The following NUP210 variants were observed in gnomAD, a reference collection of about 807,000 sequenced individuals.
NUP210 encodes nucleoporin 210.
In NUP210, 151 loss-of-function variants were observed where a neutral mutation model predicts 196.0. That is an observed-to-expected ratio of 0.77 (90% CI 0.67 to 0.88). The LOEUF is 0.88. Ranked by LOEUF, NUP210 falls within the 40% of genes least tolerant of loss-of-function variation. NUP210 has a pLI of 0.00. For synonymous variants in NUP210, 1,070 were observed against 1,052.7 expected, an observed-to-expected ratio of 1.02 and a Z score of -0.32; for missense variants, 2,314 against 2,493.7, an observed-to-expected ratio of 0.93 and a Z score of 1.53.
chr3:13,342,127 C>A lies in NUP210; in HGVS notation c.2965-4G>T. Reference sequence around the variant, plus strand: ...TCACTGTCTTCCCAATCTCCACCTGCATCATGGGGACAGAGGTTCAGGGGC... The same window carrying A: ...TCACTGTCTTCCCAATCTCCACCTGAATCATGGGGACAGAGGTTCAGGGGC... On this transcript the variant is annotated splice_polypyrimidine_tract_variant and splice_region_variant and intron_variant, in intron 21 of 39. Transcript: ENST00000254508. 17 of 1,613,944 alleles carry A rather than the reference C, an allele frequency of 1.1e-5. No individual in the cohort carries two copies. Among genetic ancestry groups the A allele is most frequent in the Non-Finnish European group, 1.3e-5 (15 of 1,179,884 alleles).
Position 13,386,026 on chromosome 3 carries a change from A to C in NUP210, c.817+249T>G, listed in dbSNP as rs116214039. 2.0e-3 allele frequency among the ~76,000 whole-genome samples: 306 copies of C among 152,358 alleles called. 2 individuals carry two copies. The highest frequency in any genetic ancestry group is 6.9e-3 in the African/African-American group (289 of 41,594). On this transcript the variant is annotated intron_variant, in intron 6 of 39. Transcript: ENST00000254508. ...ATTCACAGAGACAGGAAATAGAGTG[A>C]TGAGTGCCAAGGGCTGGGAGAGGGT...
At chr3:13,330,092 C>T (rs1372567775) in intron 30 of NUP210, among the ~76,000 whole-genome samples, 1 of 152,274 alleles carries the variant, frequency 6.6e-6, no homozygotes, top group Non-Finnish European at 1.5e-5. Context: ...TGGCCCAGAA[C>T]AGGAGCTCCA....
In NUP210 at chr3:13,336,775, G is replaced by A. The variant is rs755240565; in HGVS notation, c.3684+12C>T. On this transcript the variant is annotated intron_variant, in intron 27 of 39. Coordinates refer to ENST00000254508, the MANE Select transcript of NUP210 (RefSeq NM_024923.4). ...GGGTGGGAGGTGAGCTCTGGAGGGG[G>A]TGGTTACCTACCTCGTGGTGCCGCC... The A allele has an allele frequency of 2.5e-6, 4 of 1,612,090 alleles. No individual in the cohort carries two copies. In the South Asian group the frequency reaches 3.3e-5, roughly 13 times the overall value.
chr3:13,376,215 C>G, intron 10 of NUP210, 76 bp downstream of exon 10: 1 of 1,538,354 alleles, frequency 6.5e-7, no homozygotes, highest in Non-Finnish European at 8.9e-7. Flanking sequence ...ACTCATGGCC[C>G]TCCTGGGCTG....
At chr3:13,407,596 T>C (rs920347064) in intron 1 of NUP210, among the ~76,000 whole-genome samples, 3 of 152,114 alleles carry the variant, frequency 2.0e-5, no homozygotes, top group Non-Finnish European at 4.4e-5. Context: ...TCCCAGCTTC[T>C]CCACCTCTAT....
In NUP210 at chr3:13,321,822, G is replaced by C. The variant is rs1430483508; in HGVS notation, c.4929C>G (p.Cys1643Trp). The C allele has an allele frequency of 6.2e-7, 1 of 1,606,188 alleles. No individual in the cohort carries two copies. Among genetic ancestry groups the C allele is most frequent in the East Asian group, 2.2e-5 (1 of 44,858 alleles). Residue 1643 changes from cysteine to tryptophan, a missense_variant, in exon 36 of 40, where the codon TGC (cysteine) becomes TGG (tryptophan). Coordinates refer to ENST00000254508, the MANE Select transcript of NUP210 (RefSeq NM_024923.4). ...QFDTALGQYFCSITMHRLTDK... is the reference protein window; with the variant it reads ...QFDTALGQYFWSITMHRLTDK... ...CCGTCAGCCTGTGCATTGTGATTGA[G>C]CAGAAGTACTGGCCTGCGAAGACAA...
chr3:13,380,961 G>A (rs998898585), intron 6 of NUP210, among the ~76,000 whole-genome samples: 2 of 152,168 alleles, frequency 1.3e-5, no homozygotes, highest in Non-Finnish European at 2.9e-5. Context: ...CAAATGATGG[G>A]CCCCATCCCA....
chr3:13,378,883 C>A lies in NUP210; in HGVS notation c.1045+29G>T, dbSNP rs115522829. On this transcript the variant is annotated intron_variant, in intron 8 of 39. Transcript: ENST00000254508. Reference sequence around the variant, plus strand: ...TCATATAGTCACAACTGAGCAGCATCCATGAGGGCCCAGGAGGCCCACACT... The same window carrying A: ...TCATATAGTCACAACTGAGCAGCATACATGAGGGCCCAGGAGGCCCACACT... 23,279 of 1,525,786 alleles carry A rather than the reference C, an allele frequency of 0.015. 201 individuals carry two copies. Among genetic ancestry groups the A allele is most frequent in the Non-Finnish European group, 0.017 (19,023 of 1,099,370 alleles). The allele number at this position is 1,525,786 out of a possible 1,614,324, so 94.5% of individuals were successfully genotyped here. A position where few individuals can be genotyped will look rare whatever the true frequency, so the allele number is the denominator to read the frequency against.
intron 5 of NUP210, among the ~76,000 whole-genome samples, chr3:13,386,775 G>A (rs921198957): frequency 6.6e-6 from 1 of 152,148 alleles, no homozygotes; most frequent in Non-Finnish European, 1.5e-5. Flanking sequence ...CAAGGTCCAG[G>A]GAACTTGAGA....
intron 35 of NUP210, 140 bp from the exon 36 acceptor site, chr3:13,321,975 C>T: frequency 7.8e-7 from 1 of 1,286,220 alleles, no homozygotes; most frequent in South Asian, 1.4e-5. Flanking sequence ...CAGGAGTCCT[C>T]CTGGGAATCC....
At chr3:13,392,716 C>T (rs1195795566) in intron 3 of NUP210, among the ~76,000 whole-genome samples, 8 of 152,228 alleles carry the variant, frequency 5.3e-5, no homozygotes, top group Non-Finnish European at 1.0e-4. Flanking sequence ...ACTGTGAGAA[C>T]CTTCTTCTGC....
chr3:13,360,860 C>T (rs988871200), intron 14 of NUP210, among the ~76,000 whole-genome samples: 2 of 152,234 alleles, frequency 1.3e-5, no homozygotes, highest in Admixed American at 6.5e-5. Context: ...AATGTACAGA[C>T]AGATGTTCAT....
chr3:13,400,158 C>T (rs985415189), intron 1 of NUP210, among the ~76,000 whole-genome samples: 7 of 152,186 alleles, frequency 4.6e-5, no homozygotes, highest in South Asian at 2.1e-4. Flanking sequence ...AGATGGCCAC[C>T]GTCCAAGACT....
chr3:13,395,855 T>A (rs991792444), intron 3 of NUP210, among the ~76,000 whole-genome samples: 2 of 152,174 alleles, frequency 1.3e-5, no homozygotes, highest in Non-Finnish European at 2.9e-5. Flanking sequence ...AGGTACTTCT[T>A]TCCCTATAGC....
In NUP210 at chr3:13,396,672, A is replaced by C. The variant is rs566167697; in HGVS notation, c.436+685T>G. ...CTACTTGGGAGGCTGAGGTAGGAGA[A>C]TCGCTTGAACTCAGGAGGCAGAGGT... On this transcript the variant is annotated intron_variant, in intron 3 of 39. Transcript: ENST00000254508. Among the ~76,000 whole-genome samples the C allele has an allele frequency of 2.0e-5, 3 of 148,430 alleles. No homozygotes were observed. The East Asian group carries it at 6.0e-4, about 30-fold the overall frequency.
chr3:13,395,007 G>A (rs1699606246), intron 3 of NUP210, among the ~76,000 whole-genome samples: 1 of 152,182 alleles, frequency 6.6e-6, no homozygotes, highest in Non-Finnish European at 1.5e-5. Context: ...TGCTGCAAAG[G>A]TGGGGCCTTG....
At chr3:13,373,894 C>T (rs1393552355) in intron 11 of NUP210, 21 bp from the exon 12 acceptor site, 1 of 1,610,540 alleles carries the variant, frequency 6.2e-7, no homozygotes, top group South Asian at 1.1e-5. Flanking sequence ...AAAGCCATCA[C>T]AGGACCAGCC....
intron 33 of NUP210, among the ~76,000 whole-genome samples, chr3:13,325,526 C>T (rs1180277629): frequency 1.3e-5 from 2 of 152,126 alleles, no homozygotes; most frequent in Non-Finnish European, 2.9e-5. Context: ...GGTTGCCAGA[C>T]CCAAGCCCAT....
intron 20 of NUP210, chr3:13,345,161 G>A (rs1697673796): frequency 1.0e-6 from 1 of 985,340 alleles, no homozygotes; most frequent in African/African-American, 1.7e-5. Flanking sequence ...ATAAGGTCAT[G>A]GAACCTGGTG....
Sources: allele counts gnomAD v4.1 joint callset (sites outside exome capture counted in the v4.1 genomes callset), GRCh38; gene constraint gnomAD v4.1.1; transcripts MANE v1.5; gene names NCBI Gene and HGNC (gene_info 2026-07-23, HGNC 2026-07-21).